The following MEGF6 variants were observed in gnomAD, a reference collection of about 807,000 sequenced individuals.
The protein encoded by MEGF6 is multiple epidermal growth factor-like domains protein 6.
A neutral mutation model predicts 207.1 loss-of-function variants in MEGF6; 184 were observed. The observed-to-expected ratio is 0.89, with a 90% CI of 0.79 to 1.00. The LOEUF (loss-of-function observed/expected upper bound fraction) is 1.00. Among genes scored for constraint, MEGF6 ranks in the 50% least tolerant of loss-of-function variants. MEGF6 has a pLI of 0.00. For missense variants in MEGF6, 2,282 were observed against 2,202.9 expected (o/e 1.04, Z -0.72); for synonymous variants, 1,038 against 910.0 (o/e 1.14, Z -2.53).
chr1:3,557,305 G>A (rs1251790504), intron 4 of MEGF6, among the ~76,000 whole-genome samples: 1 of 152,212 alleles, frequency 6.6e-6, no homozygotes, highest in Non-Finnish European at 1.5e-5. Flanking sequence ...TGTCATGGCA[G>A]CAAAAGAAAA....
At chr1:3,624,407 C>T in the MEGF6 span, 2 of 152,234 alleles carry the variant, frequency 1.3e-5, no homozygotes, top group South Asian at 4.1e-4. Flanking sequence ...GGCCCGGGCG[C>T]GCATTCCAGC....
chr1:3,599,192 C>T (rs1305098790), intron 2 of MEGF6, among the ~76,000 whole-genome samples: 1 of 152,230 alleles, frequency 6.6e-6, no homozygotes, highest in African/African-American at 2.4e-5. Flanking sequence ...CTAATCCTCA[C>T]CGCTGCTGTG....
chr1:3,507,698 G>C, intron 14 of MEGF6, 97 bp downstream of exon 14: 1 of 1,512,944 alleles, frequency 6.6e-7, no homozygotes, highest in Non-Finnish European at 9.2e-7. Flanking sequence ...TGCTCCAGTG[G>C]GAGGAAGGAG....
At chr1:3,528,639 G>A (rs781483048) in intron 4 of MEGF6, among the ~76,000 whole-genome samples, 2 of 152,132 alleles carry the variant, frequency 1.3e-5, no homozygotes, top group Non-Finnish European at 2.9e-5. Flanking sequence ...GTCAGAGGGC[G>A]GGGAGGAGGA....
intron 2 of MEGF6, among the ~76,000 whole-genome samples, chr1:3,601,009 G>C (rs6693971): frequency 0.75 from 114,469 of 152,018 alleles, 44,308 homozygotes; most frequent in East Asian, 0.98. Context: ...GGTAATGCCG[G>C]GAGGGGATCC....
chr1:3,517,418 C>A (rs1417027234), intron 5 of MEGF6, among the ~76,000 whole-genome samples: 1 of 152,232 alleles, frequency 6.6e-6, no homozygotes, highest in African/African-American at 2.4e-5. Context: ...TGTCCTCTTG[C>A]CACTCCAGTC....
At chr1:3,501,986 C>A in intron 17 of MEGF6, 65 bp from the exon 18 acceptor site, 1 of 1,539,972 alleles carries the variant, frequency 6.5e-7, no homozygotes, top group South Asian at 1.2e-5. Context: ...GAGCCTTTCC[C>A]CCAGGGGCTC....
At chr1:3,522,504 C>T (rs940528013) in intron 5 of MEGF6, among the ~76,000 whole-genome samples, 2 of 152,012 alleles carry the variant, frequency 1.3e-5, no homozygotes, top group Admixed American at 6.5e-5. Flanking sequence ...CTTCTGGGGC[C>T]CTAAGTGTGC....
intron 4 of MEGF6, among the ~76,000 whole-genome samples, chr1:3,567,808 G>A (rs1395633530): frequency 2.6e-5 from 4 of 152,194 alleles, no homozygotes; most frequent in Non-Finnish European, 1.5e-5. Context: ...GTGCAGGCAG[G>A]ACAGGCCTGT....
chr1:3,494,082 C>T lies in MEGF6; in HGVS notation c.4172G>A (p.Cys1391Tyr). The change falls in exon 33 of 37, where the codon TGC becomes TAC. Residue 1391 changes from cysteine to tyrosine, a missense_variant. Physicochemically the swap from Cys to Tyr is radical, Grantham distance 194. Coordinates refer to ENST00000356575, the MANE Select transcript of MEGF6 (RefSeq NM_001409.4). ...GFHGAGCQGL[C>Y]WCQHGAPCDP... Reference sequence around the variant, plus strand: ...GCAGGGGGCTCCATGTTGACACCAGCACAACCCCTGGCAGCCAGCCCCGTG... The same window carrying T: ...GCAGGGGGCTCCATGTTGACACCAGTACAACCCCTGGCAGCCAGCCCCGTG... The T allele has an allele frequency of 6.3e-7, 1 of 1,595,046 alleles. No homozygotes were observed. The highest frequency in any genetic ancestry group is 8.6e-7 in the Non-Finnish European group (1 of 1,169,474).
At chr1:3,566,059 G>A (rs1209176230) in intron 4 of MEGF6, among the ~76,000 whole-genome samples, 1 of 152,224 alleles carries the variant, frequency 6.6e-6, no homozygotes, top group African/African-American at 2.4e-5. Flanking sequence ...CCCTGAGGCT[G>A]ACCTGGGTAG....
intron 11 of MEGF6, among the ~76,000 whole-genome samples, 158 bp from the exon 12 acceptor site, chr1:3,509,403 C>T (rs1641248448): frequency 6.6e-6 from 1 of 152,098 alleles, no homozygotes; most frequent in African/African-American, 2.4e-5. Context: ...TCCCAGGGGT[C>T]ATCCCAGCTG....
In MEGF6 at chr1:3,565,041, C is replaced by T. The variant is rs991928179; in HGVS notation, c.481+14784G>A. On this transcript the variant is annotated intron_variant, in intron 4 of 36. Transcript: ENST00000356575. This position sits in a 1 kb window ranked among gnomAD's most constrained non-coding sequence, Gnocchi z 4.8. ...CCAATTCTGTCCCAGCACCAGGACG[C>T]GGACCCAGGAGGGCAGGGGTTTTGC... Among the ~76,000 whole-genome samples, 1 of 152,162 alleles carries T rather than the reference C, an allele frequency of 6.6e-6. No individual in the cohort carries two copies. Among genetic ancestry groups the T allele is most frequent in the Admixed American group, 6.5e-5 (1 of 15,280 alleles).
chr1:3,617,858 C>T, the MEGF6 span, among the ~76,000 whole-genome samples: 1 of 152,254 alleles, frequency 6.6e-6, no homozygotes, highest in African/African-American at 2.4e-5. Context: ...CAAGGGGAAC[C>T]GGGGGTTGCT....
chr1:3,495,633 G>A (rs144274443), intron 30 of MEGF6, among the ~76,000 whole-genome samples: 1 of 152,302 alleles, frequency 6.6e-6, no homozygotes, highest in Non-Finnish European at 1.5e-5. Context: ...TGGGGTCACT[G>A]GGTGGCCTGA....
At chr1:3,535,999 C>T (rs904431996) in intron 4 of MEGF6, among the ~76,000 whole-genome samples, 4 of 152,218 alleles carry the variant, frequency 2.6e-5, no homozygotes, top group Admixed American at 2.0e-4. Context: ...TCCAAGGGGG[C>T]ATCCCTGGGG....
At chr1:3,519,515 G>C (rs1641666655) in intron 5 of MEGF6, among the ~76,000 whole-genome samples, 1 of 152,262 alleles carries the variant, frequency 6.6e-6, no homozygotes, top group Admixed American at 6.5e-5. Context: ...TGCCCTCCTG[G>C]GGGAGGCCCC....
At chr1:3,510,632 C>A in intron 10 of MEGF6, 151 bp downstream of exon 10, 2 of 1,122,644 alleles carry the variant, frequency 1.8e-6, no homozygotes, top group Non-Finnish European at 2.4e-6. Flanking sequence ...ACACAGCAGG[C>A]GCTCAACCAA....
intron 5 of MEGF6, among the ~76,000 whole-genome samples, chr1:3,519,774 C>T (rs1279010098): frequency 6.6e-6 from 1 of 152,266 alleles, no homozygotes; most frequent in Non-Finnish European, 1.5e-5. Context: ...CGGGCCTCCC[C>T]TCCAAGAAGG....
Sources: allele counts gnomAD v4.1 joint callset (sites outside exome capture counted in the v4.1 genomes callset), GRCh38; gene constraint gnomAD v4.1.1; non-coding constraint Gnocchi (gnomAD v3.1); transcripts MANE v1.5; gene names NCBI Gene and HGNC (gene_info 2026-07-23, HGNC 2026-07-21).